Variants in CNKSR2 observed in about 807,000 individuals in gnomAD.
The protein encoded by CNKSR2 is connector enhancer of kinase suppressor of Ras 2.
CNKSR2 carries 14 observed loss-of-function variants against 84.4 expected under a neutral mutation model. That is an observed-to-expected ratio of 0.17 (90% CI 0.11 to 0.26). CNKSR2 has a LOEUF of 0.26. Ranked by LOEUF, CNKSR2 falls within the 10% of genes least tolerant of loss-of-function variation. The pLI is 1.00. For missense variants in CNKSR2, 485 were observed against 771.2 expected, an observed-to-expected ratio of 0.63 and a Z score of 4.40; for synonymous variants, 275 against 277.9, an observed-to-expected ratio of 0.99 and a Z score of 0.10.
rs758657397 is a variant in CNKSR2 at position 21,470,961 on chromosome X, G to A, written c.561+154G>A. Reference sequence around the variant, plus strand: ...AAACAATCAAAGCATAACAAGTTACGTTAGTTATAACCATTCTATTGTACC... The same window carrying A: ...AAACAATCAAAGCATAACAAGTTACATTAGTTATAACCATTCTATTGTACC... On this transcript the variant is annotated intron_variant, in intron 5 of 21. Coordinates refer to ENST00000379510, the MANE Select transcript of CNKSR2 (RefSeq NM_014927.5). 62 of 256,552 alleles carry A rather than the reference G, an allele frequency of 2.4e-4. 1 individual carries two copies. Among genetic ancestry groups the A allele is most frequent in the East Asian group, 4.2e-4 (7 of 16,699 alleles). The allele number at this position is 256,552 out of a possible 1,213,427, so 21.1% of individuals were successfully genotyped here.
At chrX:21,434,904 T>G (rs1246683064) in intron 3 of CNKSR2, among the ~76,000 whole-genome samples, 2 of 107,723 alleles carry the variant, frequency 1.9e-5, no homozygotes, top group Admixed American at 1.0e-4. Context: ...GCAGATATTG[T>G]TATCTCCATT....
At chrX:21,566,613 G>A (rs942336503) in intron 13 of CNKSR2, among the ~76,000 whole-genome samples, 3 of 111,750 alleles carry the variant, frequency 2.7e-5, no homozygotes, top group African/African-American at 9.7e-5. Flanking sequence ...TATCTCTGCC[G>A]TAATACTAGC....
intron 2 of CNKSR2, among the ~76,000 whole-genome samples, chrX:21,432,081 A>G (rs984184952): frequency 1.8e-5 from 2 of 111,834 alleles, no homozygotes; most frequent in African/African-American, 6.5e-5. Context: ...GAAACTTCTT[A>G]TACATCATTA....
At chrX:21,627,413 G>T (rs2092628731) in intron 20 of CNKSR2, among the ~76,000 whole-genome samples, 1 of 111,370 alleles carries the variant, frequency 9.0e-6, no homozygotes, top group Admixed American at 9.5e-5. Flanking sequence ...GCAGGAGAAT[G>T]GTGTGAACCC....
At chrX:21,569,121 A>G (rs1171424565) in intron 13 of CNKSR2, among the ~76,000 whole-genome samples, 2 of 112,033 alleles carry the variant, frequency 1.8e-5, no homozygotes, top group Non-Finnish European at 3.8e-5. Flanking sequence ...TGCTAAGTGC[A>G]CAATAGCATT....
intron 9 of CNKSR2, among the ~76,000 whole-genome samples, chrX:21,524,718 C>G (rs149129813): frequency 1.8e-3 from 194 of 110,501 alleles, no homozygotes; most frequent in South Asian, 0.017. Flanking sequence ...GAAAAATTAT[C>G]TTTAGTTCTG....
At chrX:21,588,650 G>T (rs1266701178) in intron 13 of CNKSR2, among the ~76,000 whole-genome samples, 2 of 111,646 alleles carry the variant, frequency 1.8e-5, no homozygotes, top group African/African-American at 6.5e-5. Context: ...GAAAAGAAAA[G>T]ATAATCTTGT....
chrX:21,503,229 A>G, intron 8 of CNKSR2: 1 of 294,648 alleles, frequency 3.4e-6, no homozygotes, highest in Non-Finnish European at 5.9e-6. Context: ...GTGTAAATGC[A>G]TCTTTACATC....
chrX:21,453,149 C>T (rs2147109872), intron 4 of CNKSR2, among the ~76,000 whole-genome samples: 1 of 111,331 alleles, frequency 9.0e-6, no homozygotes, highest in South Asian at 3.7e-4. Context: ...CATGGACCAA[C>T]ACTTCAAATT....
chrX:21,595,255 C>G, intron 16 of CNKSR2, 69 bp from the exon 17 acceptor site: 1 of 835,338 alleles, frequency 1.2e-6, no homozygotes, highest in Non-Finnish European at 1.8e-6. Context: ...GGTAATTTTG[C>G]CCGTCAGAAT....
At chrX:21,482,939 C>G (rs778439305) in intron 5 of CNKSR2, among the ~76,000 whole-genome samples, 4 of 111,764 alleles carry the variant, frequency 3.6e-5, no homozygotes, top group Non-Finnish European at 1.9e-5. Flanking sequence ...TATTTACTTG[C>G]AACTATTTGC....
At chrX:21,559,508 G>T (rs2092168696) in intron 11 of CNKSR2, among the ~76,000 whole-genome samples, 1 of 111,336 alleles carries the variant, frequency 9.0e-6, no homozygotes, top group African/African-American at 3.3e-5. Flanking sequence ...TCTATCCAGG[G>T]GTGTGTTGCT....
At chrX:21,378,363 G>A (rs2089850131) in intron 1 of CNKSR2, among the ~76,000 whole-genome samples, 1 of 111,470 alleles carries the variant, frequency 9.0e-6, no homozygotes, top group Non-Finnish European at 1.9e-5. Context: ...TATTTTCAAG[G>A]TAAATAGAGG....
At chrX:21,449,169 T>G (rs2090892902) in intron 4 of CNKSR2, among the ~76,000 whole-genome samples, 1 of 109,247 alleles carries the variant, frequency 9.2e-6, no homozygotes, top group Non-Finnish European at 1.9e-5. Flanking sequence ...CCAGGCATGG[T>G]GGTTCATGCC....
chrX:21,648,217 C>T (rs1196978846), intron 20 of CNKSR2, among the ~76,000 whole-genome samples: 2 of 111,490 alleles, frequency 1.8e-5, no homozygotes, highest in East Asian at 5.6e-4. Context: ...ACTATATTTA[C>T]AATGTACAAG....
chrX:21,604,296 T>TCA (rs904471773), intron 18 of CNKSR2, among the ~76,000 whole-genome samples: 9 of 108,795 alleles, frequency 8.3e-5, no homozygotes, highest in Admixed American at 3.0e-4. Flanking sequence ...AAGGGGAACA[T>TCA]CACACACCGG....
intron 8 of CNKSR2, among the ~76,000 whole-genome samples, chrX:21,502,588 A>T (rs1295821881): frequency 9.0e-6 from 1 of 110,589 alleles, no homozygotes; most frequent in Non-Finnish European, 1.9e-5. Context: ...TTTCTCAGTG[A>T]TTCTAATCAT....
At chrX:21,531,776 T>A in intron 10 of CNKSR2, 80 bp from the exon 11 acceptor site, 2 of 592,703 alleles carry the variant, frequency 3.4e-6, no homozygotes, top group Non-Finnish European at 5.5e-6. Context: ...TGGGAGTAAA[T>A]TATTAGTATT....
intron 2 of CNKSR2, chrX:21,428,141 CT>C (rs2090589179): frequency 8.9e-6 from 1 of 111,811 alleles, no homozygotes; most frequent in Admixed American, 9.5e-5. Flanking sequence ...AGGAAGACAT[CT>C]TTGTTTAGTT....
Sources: allele counts gnomAD v4.1 joint callset (sites outside exome capture counted in the v4.1 genomes callset), GRCh38; gene constraint gnomAD v4.1.1; transcripts MANE v1.5; gene names NCBI Gene and HGNC (gene_info 2026-07-23, HGNC 2026-07-21).